Variants in CSNK2A2IP observed in about 807,000 individuals in gnomAD.
The protein encoded by CSNK2A2IP is casein kinase 2 subunit alpha' interacting protein.
the CSNK2A2IP span, among the ~76,000 whole-genome samples, chr3:88,414,147 ATACTT>A: frequency 6.6e-6 from 1 of 150,686 alleles, no homozygotes; most frequent in South Asian, 2.1e-4. Flanking sequence ...TAAAAGTACA[ATACTT>A]TACAAACGTT....
the CSNK2A2IP span, among the ~76,000 whole-genome samples, chr3:88,408,604 T>C: frequency 6.6e-6 from 1 of 152,052 alleles, no homozygotes; most frequent in Non-Finnish European, 1.5e-5. Context: ...CCATTTACTT[T>C]ATTAACATAA....
the CSNK2A2IP span, among the ~76,000 whole-genome samples, chr3:88,416,108 T>G: frequency 6.6e-6 from 1 of 151,460 alleles, no homozygotes; most frequent in Non-Finnish European, 1.5e-5. Context: ...CCGTCTCTAC[T>G]AAAAATAGAA....
At chr3:88,382,841 C>T in the CSNK2A2IP span, 1 of 152,146 alleles carries the variant, frequency 6.6e-6, no homozygotes, top group Non-Finnish European at 1.5e-5. Flanking sequence ...TGATTGCTGA[C>T]TTGGTTCACT....
chr3:88,368,718 T>G, the CSNK2A2IP span, among the ~76,000 whole-genome samples: 1 of 152,068 alleles, frequency 6.6e-6, no homozygotes, highest in Admixed American at 6.6e-5. Flanking sequence ...AGAGTTTATT[T>G]CTTCTTTTAT....
chr3:88,421,587 T>G, the CSNK2A2IP span, among the ~76,000 whole-genome samples: 2 of 152,122 alleles, frequency 1.3e-5, no homozygotes, highest in African/African-American at 2.4e-5. Context: ...GCTAACTTTT[T>G]GTATTTTTTA....
At chr3:88,387,351 C>T in the CSNK2A2IP span, among the ~76,000 whole-genome samples, 4 of 151,822 alleles carry the variant, frequency 2.6e-5, no homozygotes, top group East Asian at 3.9e-4. Flanking sequence ...TTGTATTTTT[C>T]GTAGAGATGG....
At chr3:88,441,077 G>T in the CSNK2A2IP span, among the ~76,000 whole-genome samples, 1 of 152,146 alleles carries the variant, frequency 6.6e-6, no homozygotes, top group African/African-American at 2.4e-5. Context: ...ATTTAACTAG[G>T]TGTTGCCTGG....
the CSNK2A2IP span, among the ~76,000 whole-genome samples, chr3:88,445,989 TTTTC>T: frequency 1.9e-3 from 280 of 148,134 alleles, 9 homozygotes; most frequent in African/African-American, 6.7e-3. Flanking sequence ...TTTCTTTCTT[TTTTC>T]TTTCTTTCTC....
the CSNK2A2IP span, among the ~76,000 whole-genome samples, chr3:88,398,085 C>T: frequency 2.0e-5 from 3 of 152,004 alleles, no homozygotes; most frequent in Admixed American, 1.3e-4. Flanking sequence ...CATTGAACTA[C>T]GTCCAACTCA....
the CSNK2A2IP span, among the ~76,000 whole-genome samples, chr3:88,457,749 A>G: frequency 2.0e-5 from 3 of 150,004 alleles, no homozygotes; most frequent in African/African-American, 7.3e-5. Context: ...ATAAAATAAA[A>G]TAAAATCTAG....
chr3:88,342,768 T>A, the CSNK2A2IP span, among the ~76,000 whole-genome samples: 1 of 151,682 alleles, frequency 6.6e-6, no homozygotes, highest in Non-Finnish European at 1.5e-5. Context: ...CCTCCATTAC[T>A]CCTTGGAAAC....
chr3:88,381,734 A>G, the CSNK2A2IP span, among the ~76,000 whole-genome samples: 2 of 152,342 alleles, frequency 1.3e-5, no homozygotes, highest in Admixed American at 1.3e-4. Context: ...CTGAGAGATA[A>G]TGACAGTAAA....
chr3:88,370,894 T>C, the CSNK2A2IP span, among the ~76,000 whole-genome samples: 1 of 151,746 alleles, frequency 6.6e-6, no homozygotes, highest in Non-Finnish European at 1.5e-5. Flanking sequence ...CACTGGAGAA[T>C]TCTTGCTCTC....
chr3:88,352,450 G>A, the CSNK2A2IP span, among the ~76,000 whole-genome samples: 1 of 152,054 alleles, frequency 6.6e-6, no homozygotes, highest in African/African-American at 2.4e-5. Flanking sequence ...AAAATGGCAA[G>A]ATCATGTGAA....
chr3:88,424,887 T>C, the CSNK2A2IP span, among the ~76,000 whole-genome samples: 1 of 152,082 alleles, frequency 6.6e-6, no homozygotes, highest in Non-Finnish European at 1.5e-5. Flanking sequence ...AAACAAGTTA[T>C]TAATGGATAA....
At chr3:88,341,078 C>T in the CSNK2A2IP span, among the ~76,000 whole-genome samples, 1 of 151,744 alleles carries the variant, frequency 6.6e-6, no homozygotes, top group Non-Finnish European at 1.5e-5. Context: ...TTTACTTTTC[C>T]ATTAAAATTC....
the CSNK2A2IP span, among the ~76,000 whole-genome samples, chr3:88,400,167 C>T: frequency 6.6e-6 from 1 of 152,098 alleles, no homozygotes; most frequent in Non-Finnish European, 1.5e-5. Flanking sequence ...ATAATTAAGA[C>T]TTCAGAGAAA....
the CSNK2A2IP span, among the ~76,000 whole-genome samples, chr3:88,401,054 AT>A: frequency 6.6e-6 from 1 of 152,112 alleles, no homozygotes; most frequent in Non-Finnish European, 1.5e-5. Flanking sequence ...AATACATGCA[AT>A]TTTTTATGAC....
the CSNK2A2IP span, among the ~76,000 whole-genome samples, chr3:88,377,044 C>A: frequency 4.6e-5 from 7 of 151,800 alleles, no homozygotes; most frequent in Non-Finnish European, 7.4e-5. Context: ...TTAAAAATCC[C>A]GTTCTCCACC....
Sources: gnomAD v4.1 joint callset for allele counts (sites outside exome capture counted in the v4.1 genomes callset) on GRCh38, gnomAD v4.1.1 for gene constraint, MANE v1.5 for transcripts, NCBI Gene and HGNC (gene_info 2026-07-23, HGNC 2026-07-21) for gene names.